WIF1: variants seen among roughly 807,000 people sequenced by gnomAD.
WIF1 encodes Wnt inhibitory factor 1.
WIF1 carries 35 observed loss-of-function variants against 53.5 expected under a neutral mutation model. The ratio of observed to expected loss-of-function variants is 0.65; its 90% CI spans 0.50 to 0.87. The LOEUF (loss-of-function observed/expected upper bound fraction) is 0.87, where lower values mean the gene tolerates loss of function less well. Ranked by LOEUF, WIF1 falls within the 40% of genes least tolerant of loss-of-function variation. WIF1 has a pLI of 0.00. For synonymous variants in WIF1, 171 were observed against 170.4 expected, an observed-to-expected ratio of 1.00 and a Z score of -0.03; for missense variants, 467 against 476.8, an observed-to-expected ratio of 0.98 and a Z score of 0.19.
At chr12:65,118,243 T>C (rs117637987) in intron 2 of WIF1, among the ~76,000 whole-genome samples, 1,904 of 152,330 alleles carry the variant, frequency 0.012, 14 homozygotes, top group Non-Finnish European at 0.02. Flanking sequence ...CATGTAAATG[T>C]TTTGATGTGG....
At position 65,120,758 on chromosome 12, in the gene WIF1, G is replaced by C. The variant is rs74099756; in HGVS notation, c.149-202C>G. ...ATGCCAACAGACCCATGCTTTCAGG[G>C]AAAAGGGATGGACATGGAGTTAACC... is the stretch of plus-strand genomic sequence containing the variant. On this transcript the variant is annotated intron_variant, in intron 1 of 9. Transcript: ENST00000286574. 9.0e-3 allele frequency: 7,180 copies of C among 798,828 alleles called. 406 individuals are homozygous for C. The African/African-American group carries it at 0.11, about 13-fold the overall frequency. The allele number at this position is 798,828 out of a possible 1,614,324, so 49.5% of individuals were successfully genotyped here. A position where few individuals can be genotyped will look rare whatever the true frequency, so the allele number is the denominator to read the frequency against.
chr12:65,069,244 C>A (rs151089210), intron 3 of WIF1, among the ~76,000 whole-genome samples: 2 of 152,106 alleles, frequency 1.3e-5, no homozygotes, highest in African/African-American at 4.8e-5. Flanking sequence ...ATTATGTATA[C>A]GTCAGTGTAG....
At chr12:65,062,214 G>A (rs1334217658) in intron 7 of WIF1, among the ~76,000 whole-genome samples, 3 of 152,154 alleles carry the variant, frequency 2.0e-5, no homozygotes, top group African/African-American at 7.2e-5. Flanking sequence ...AGAAAACAAT[G>A]CAACTGTTGA....
intron 2 of WIF1, among the ~76,000 whole-genome samples, chr12:65,079,459 A>G (rs1295274091): frequency 6.6e-6 from 1 of 152,120 alleles, no homozygotes; most frequent in Non-Finnish European, 1.5e-5. Flanking sequence ...CCAACATTAC[A>G]GAAATTTATA....
chr12:65,066,791 A>G (rs1882694085), intron 5 of WIF1, 55 bp from the exon 6 acceptor site: 27 of 1,345,112 alleles, frequency 2.0e-5, no homozygotes, highest in Non-Finnish European at 2.8e-5. Context: ...GAGCAGGACC[A>G]TTTTGAAATG....
intron 2 of WIF1, among the ~76,000 whole-genome samples, chr12:65,093,572 G>C (rs1033949234): frequency 6.6e-6 from 1 of 151,974 alleles, no homozygotes; most frequent in African/African-American, 2.4e-5. Context: ...TCTTCTGAAA[G>C]CACAGCAAAT....
chr12:65,093,614 T>A (rs1445523626), intron 2 of WIF1, among the ~76,000 whole-genome samples: 1 of 152,062 alleles, frequency 6.6e-6, no homozygotes, highest in Non-Finnish European at 1.5e-5. Flanking sequence ...TAAATGGTTA[T>A]AAAACAAATG....
intron 2 of WIF1, among the ~76,000 whole-genome samples, chr12:65,115,202 A>G (rs914794715): frequency 2.0e-5 from 3 of 150,076 alleles, no homozygotes; most frequent in Non-Finnish European, 4.4e-5. Flanking sequence ...AAAAGGCAAC[A>G]TCAAAAGGGA....
intron 2 of WIF1, among the ~76,000 whole-genome samples, chr12:65,099,157 C>A (rs1192917004): frequency 6.6e-6 from 1 of 152,182 alleles, no homozygotes; most frequent in Non-Finnish European, 1.5e-5. Flanking sequence ...AATAAGCAAT[C>A]TTCTCAGAAA....
chr12:65,098,437 T>C (rs1014191800), intron 2 of WIF1, among the ~76,000 whole-genome samples: 46 of 152,076 alleles, frequency 3.0e-4, no homozygotes, highest in African/African-American at 1.1e-3. Flanking sequence ...CTAGGCAGGT[T>C]AAGTTACATT....
chr12:65,113,100 G>A (rs77139926), intron 2 of WIF1, among the ~76,000 whole-genome samples: 7,064 of 152,276 alleles, frequency 0.046, 206 homozygotes, highest in Middle Eastern at 0.12. Context: ...GCTTGAGTCG[G>A]AGAGAAAGGC....
In WIF1 at chr12:65,120,541, A is replaced by G; in HGVS notation, c.164T>C (p.Ile55Thr). The part of the protein sequence containing the change: ...ARVLIGFEED[I>T]LIVSEGKMAP... ...CATTTTCCCCTCTGAAACAATCAGG[A>G]TATCTTCTTCAAATCCTGGTTTTTA... The change falls in exon 2 of 10, where the codon ATC becomes ACC. Residue 55 changes from isoleucine (I) to threonine (T), a missense_variant. Physicochemically the swap from Ile to Thr is moderately conservative, Grantham distance 89. Coordinates refer to ENST00000286574, the MANE Select transcript of WIF1 (RefSeq NM_007191.5). The G allele has an allele frequency of 6.2e-7, 1 of 1,610,044 alleles. No individual in the cohort carries two copies. The highest frequency in any genetic ancestry group is 1.7e-4 in the Middle Eastern group (1 of 6,032).
chr12:65,058,221 A>T (rs1383891532), intron 7 of WIF1, among the ~76,000 whole-genome samples: 3 of 152,200 alleles, frequency 2.0e-5, no homozygotes, highest in Non-Finnish European at 4.4e-5. Context: ...TGACCCCAAC[A>T]TATACACAAA....
chr12:65,072,170 C>G (rs934707772), intron 3 of WIF1, among the ~76,000 whole-genome samples: 7 of 152,102 alleles, frequency 4.6e-5, no homozygotes, highest in African/African-American at 1.7e-4. Flanking sequence ...TTTGTCAACT[C>G]TGTGCTCTGC....
chr12:65,119,274 G>T (rs189130898), intron 2 of WIF1, among the ~76,000 whole-genome samples: 2 of 152,136 alleles, frequency 1.3e-5, no homozygotes, highest in East Asian at 3.9e-4. Context: ...GCAAAATGGG[G>T]GTATTAACAA....
Position 65,067,709 on chromosome 12 carries a change from G to C in WIF1, c.620C>G (p.Pro207Arg). Residue 207 changes from proline to arginine, a missense_variant, in exon 5 of 10, where the codon CCT becomes CGT. Pro to Arg is a moderately radical substitution (Grantham distance 103). Coordinates refer to ENST00000286574, the MANE Select transcript of WIF1 (RefSeq NM_007191.5). ...ICECPDGFHG[P>R]HCEKALCTPR... ...CCATGTCTTACCTTTCTCACAGTGA[G>C]GTCCGTGGAACCCATCAGGACACTC... is the stretch of plus-strand genomic sequence containing the variant. The C allele has an allele frequency of 6.2e-7, 1 of 1,613,224 alleles. No individual in the cohort carries two copies. The highest frequency in any genetic ancestry group is 1.1e-5 in the South Asian group (1 of 91,064).
intron 2 of WIF1, among the ~76,000 whole-genome samples, chr12:65,099,169 A>C (rs779013647): frequency 1.4e-4 from 22 of 152,208 alleles, no homozygotes; most frequent in Non-Finnish European, 2.1e-4. Flanking sequence ...TCTCAGAAAC[A>C]CATGTGAACC....
In WIF1 at chr12:65,050,994, C is replaced by T. The variant is rs938619988; in HGVS notation, c.*355G>A. 6 of 239,996 alleles carry T rather than the reference C, an allele frequency of 2.5e-5. No homozygotes were observed. Among genetic ancestry groups the T allele is most frequent in the South Asian group, 1.7e-4 (1 of 5,720 alleles). The allele number at this position is 239,996 out of a possible 1,614,324, so 14.9% of individuals were successfully genotyped here. On this transcript the variant is annotated 3_prime_UTR_variant, in exon 10 of 10. Transcript: ENST00000286574. Reference sequence around the variant, plus strand: ...GCACCATCCAAATTCTTGTGACTTACGCATTTTTGCCCAATTTAACCTTTC... The same window carrying T: ...GCACCATCCAAATTCTTGTGACTTATGCATTTTTGCCCAATTTAACCTTTC...
intron 2 of WIF1, among the ~76,000 whole-genome samples, chr12:65,080,182 T>TA (rs753168980): frequency 2.6e-5 from 4 of 152,208 alleles, no homozygotes; most frequent in Admixed American, 2.6e-4. Context: ...GCCAAAAGGA[T>TA]AACCTTCATG....
Sources: allele counts gnomAD v4.1 joint callset (sites outside exome capture counted in the v4.1 genomes callset), GRCh38; gene constraint gnomAD v4.1.1; transcripts MANE v1.5; gene names NCBI Gene and HGNC (gene_info 2026-07-23, HGNC 2026-07-21).